The following PHYH variants were observed in gnomAD, a reference collection of about 807,000 sequenced individuals.
The protein encoded by PHYH is phytanoyl-CoA dioxygenase, peroxisomal.
PHYH carries 32 observed loss-of-function variants against 38.5 expected under a neutral mutation model. That is an observed-to-expected ratio of 0.83 (90% CI 0.63 to 1.12). The LOEUF (loss-of-function observed/expected upper bound fraction) is 1.12, where lower values mean the gene tolerates loss of function less well. PHYH is among the 50% of genes most tolerant of loss of function. The pLI is 0.00. For missense variants in PHYH, 426 were observed against 434.8 expected (o/e 0.98, Z 0.18); for synonymous variants, 166 against 157.9 (o/e 1.05, Z -0.38).
rs1226629214 is a variant in PHYH, at chr10:13,283,737, A to T, written c.781T>A (p.Leu261Met). ...TTCTGACCAGATCCGTGGATGAGCA[A>T]AGGATGGAAGAAAACAGTGTCGCCC... is the stretch of plus-strand genomic sequence containing the variant. ...EKGDTVFFHP[L>M]LIHGSGQNKT... is the part of the protein sequence containing the mutation. Residue 261 changes from leucine (L) to methionine (M), a missense_variant, in exon 7 of 9, where the codon TTG becomes ATG. Coordinates refer to ENST00000263038, the MANE Select transcript of PHYH (RefSeq NM_006214.4). 5.0e-6 allele frequency: 8 copies of T among 1,614,108 alleles called. No homozygotes were observed. Among genetic ancestry groups the T allele is most frequent in the Non-Finnish European group, 5.9e-6 (7 of 1,179,994 alleles).
In PHYH at chr10:13,281,052, C is replaced by T; in HGVS notation, c.887G>A (p.Ser296Asn). ...AACTTCCTTCTCGATGTTTTCTTGA[C>T]TGGTGCCCTTCACGTCAATGTAGTG... ...DCHYIDVKGT[S>N]QENIEKEVVG... Residue 296 changes from serine to asparagine, a missense_variant, in exon 8 of 9, where the codon AGT becomes AAT. Physicochemically the swap from Ser to Asn is conservative, Grantham distance 46. Coordinates refer to ENST00000263038, the MANE Select transcript of PHYH (RefSeq NM_006214.4). 4 of 1,614,128 alleles carry T rather than the reference C, an allele frequency of 2.5e-6. No individual in the cohort carries two copies. Among genetic ancestry groups the T allele is most frequent in the Non-Finnish European group, 3.4e-6 (4 of 1,179,976 alleles).
At chr10:13,296,479 T>G (rs1162556440) in intron 2 of PHYH, among the ~76,000 whole-genome samples, 2 of 143,996 alleles carry the variant, frequency 1.4e-5, no homozygotes, top group South Asian at 4.3e-4. Flanking sequence ...GGAGAATCGC[T>G]AGAACCTGTG....
chr10:13,278,766 G>A (rs1013603948), intron 8 of PHYH, among the ~76,000 whole-genome samples: 1 of 152,158 alleles, frequency 6.6e-6, no homozygotes, highest in Non-Finnish European at 1.5e-5. Context: ...CTGGCCTCAA[G>A]TGATCTGTCC....
At chr10:13,298,710 A>C (rs1309676534) in intron 1 of PHYH, among the ~76,000 whole-genome samples, 1 of 78,160 alleles carries the variant, frequency 1.3e-5, no homozygotes, top group Non-Finnish European at 2.6e-5. Flanking sequence ...CAGAAAAAAA[A>C]CTACCACCAC....
chr10:13,290,823 G>A (rs754549901), intron 5 of PHYH, among the ~76,000 whole-genome samples: 1 of 152,100 alleles, frequency 6.6e-6, no homozygotes, highest in Admixed American at 6.6e-5. Flanking sequence ...TAGGCTGGGC[G>A]CGGTGGCTCA....
intron 8 of PHYH, among the ~76,000 whole-genome samples, 169 bp downstream of exon 8, chr10:13,280,807 T>A (rs1835392580): frequency 2.0e-5 from 3 of 152,130 alleles, no homozygotes; most frequent in Non-Finnish European, 4.4e-5. Context: ...GGGGCACAAG[T>A]GTAAATGGAA....
rs1286754574 is a variant in PHYH at position 13,283,711 on chromosome 10, A to G, written c.807T>C (p.Asn269=). The G allele has an allele frequency of 1.9e-6, 3 of 1,614,054 alleles. No individual in the cohort carries two copies. The highest frequency in any genetic ancestry group is 1.7e-5 in the Admixed American group (1 of 59,982). The change falls in exon 7 of 9, where the codon AAT becomes AAC. Residue 269 remains asparagine, a synonymous_variant. Coordinates refer to ENST00000263038, the MANE Select transcript of PHYH (RefSeq NM_006214.4). ...HPLLIHGSGQ[N]KTQGFRKAIS... is the part of the protein sequence containing the mutation. The stretch of plus-strand genomic sequence containing the variant: ...TTACCTTCCGGAATCCCTGGGTTTT[A>G]TTCTGACCAGATCCGTGGATGAGCA...
At chr10:13,299,766 C>G in intron 1 of PHYH, 1 of 1,310,682 alleles carries the variant, frequency 7.6e-7, no homozygotes, top group Admixed American at 4.2e-5. Context: ...GGCGGCCGCG[C>G]GTGTCCTCGG....
rs1480172094 is a variant in PHYH, at chr10:13,298,113, G to C, written c.134+74C>G. ...ATTCTAATCAGGTAACATATTATGT[G>C]GTATATCTTCATTACCACTCAAGAA... On this transcript the variant is annotated intron_variant, in intron 2 of 8. Coordinates refer to ENST00000263038, the MANE Select transcript of PHYH (RefSeq NM_006214.4). 3 of 842,628 alleles carry C rather than the reference G, an allele frequency of 3.6e-6. No individual in the cohort carries two copies. The Admixed American group carries it at 5.4e-5, about 15-fold the overall frequency. The allele number at this position is 842,628 out of a possible 1,614,324, so 52.2% of individuals were successfully genotyped here.
In PHYH at chr10:13,288,536, T is replaced by G. The variant is rs1835618953; in HGVS notation, c.502A>C (p.Lys168Gln). The G allele has an allele frequency of 6.2e-7, 1 of 1,614,002 alleles. No individual in the cohort carries two copies. Among genetic ancestry groups the G allele is most frequent in the East Asian group, 2.2e-5 (1 of 44,862 alleles). The change falls in exon 6 of 9, where the codon AAG becomes CAG. Residue 168 changes from lysine to glutamine, a missense_variant. Transcript: ENST00000263038. ...TGGTGCAGGGGGTGACGGGACGTCT[T>G]CTTGCCTGAAAAGAAAACCTGCTAC... ...LINKPPDSGK[K>Q]TSRHPLHQDL...
At chr10:13,286,409 C>T (rs1835550748) in intron 6 of PHYH, among the ~76,000 whole-genome samples, 1 of 152,036 alleles carries the variant, frequency 6.6e-6, no homozygotes, top group African/African-American at 2.4e-5. Flanking sequence ...TACTACTCAG[C>T]AAGGGAAGGG....
chr10:13,298,776 A>ACTG (rs1455683138), intron 1 of PHYH, among the ~76,000 whole-genome samples: 25 of 122,514 alleles, frequency 2.0e-4, no homozygotes, highest in African/African-American at 7.0e-4. Flanking sequence ...TACTACTACT[A>ACTG]CTACTAATAA....
At chr10:13,299,626 A>T (rs1832692716) in intron 1 of PHYH, 1 of 1,111,698 alleles carries the variant, frequency 9.0e-7, no homozygotes, top group Non-Finnish European at 1.1e-6. Context: ...CTGTGATTGG[A>T]CATCTCTGGG....
At chr10:13,278,737 C>A (rs1441103825) in intron 8 of PHYH, among the ~76,000 whole-genome samples, 2 of 152,040 alleles carry the variant, frequency 1.3e-5, no homozygotes, top group African/African-American at 4.8e-5. Context: ...GCTACACTGG[C>A]CAGACTGATC....
intron 5 of PHYH, chr10:13,291,586 C>A: frequency 2.0e-6 from 1 of 504,350 alleles, no homozygotes; most frequent in Non-Finnish European, 3.6e-6. Flanking sequence ...CTCAAGTGAT[C>A]CTCCCACCTC....
chr10:13,298,894 C>T (rs1487092010), intron 1 of PHYH, among the ~76,000 whole-genome samples: 1 of 139,532 alleles, frequency 7.2e-6, no homozygotes, highest in Admixed American at 7.8e-5. Flanking sequence ...GCACTCCAGC[C>T]TGACCACAGA....
chr10:13,291,068 C>T (rs1835697389), intron 5 of PHYH, among the ~76,000 whole-genome samples: 1 of 142,530 alleles, frequency 7.0e-6, no homozygotes, highest in East Asian at 2.0e-4. Flanking sequence ...CGCGCTATCG[C>T]ACTCCAGCCT....
intron 6 of PHYH, among the ~76,000 whole-genome samples, chr10:13,285,300 C>G (rs926584102): frequency 2.0e-5 from 3 of 151,936 alleles, no homozygotes; most frequent in African/African-American, 7.3e-5. Context: ...TCTCCTACCT[C>G]AGCCTCCCGA....
intron 7 of PHYH, among the ~76,000 whole-genome samples, chr10:13,283,180 G>T (rs999466409): frequency 2.2e-5 from 3 of 137,584 alleles, no homozygotes; most frequent in Non-Finnish European, 4.5e-5. Flanking sequence ...CCAGGCTGGA[G>T]TGCAGTGGCG....
Sources: allele counts gnomAD v4.1 joint callset (sites outside exome capture counted in the v4.1 genomes callset), GRCh38; gene constraint gnomAD v4.1.1; transcripts MANE v1.5; gene names NCBI Gene and HGNC (gene_info 2026-07-23, HGNC 2026-07-21).